Variants in CA8 observed in about 807,000 individuals in gnomAD.
CA8 encodes the protein carbonic anhydrase 8 (inactive).
CA8 carries 22 observed loss-of-function variants against 41.4 expected under a neutral mutation model. That is an observed-to-expected ratio of 0.53 (90% CI 0.38 to 0.76). The LOEUF is 0.76. Ranked by LOEUF, CA8 falls within the 30% of genes least tolerant of loss-of-function variation. The pLI, the probability that CA8 is intolerant of heterozygous loss-of-function variation, is 0.00. For missense variants in CA8, 270 were observed against 352.8 expected, an observed-to-expected ratio of 0.77 and a Z score of 1.88; for synonymous variants, 121 against 130.6, an observed-to-expected ratio of 0.93 and a Z score of 0.50.
intron 8 of CA8, among the ~76,000 whole-genome samples, chr8:60,204,653 G>A (rs1387312517): frequency 6.6e-6 from 1 of 152,124 alleles, no homozygotes; most frequent in Non-Finnish European, 1.5e-5. Flanking sequence ...ATCATTTTGA[G>A]ATCTGGTAGG....
chr8:60,243,344 TC>T (rs1808108131), intron 3 of CA8, among the ~76,000 whole-genome samples: 1 of 151,646 alleles, frequency 6.6e-6, no homozygotes, highest in Non-Finnish European at 1.5e-5. Context: ...GGGTCTTTCA[TC>T]CACCAGCTCT....
At chr8:60,232,775 G>T in intron 3 of CA8, 1 of 215,414 alleles carries the variant, frequency 4.6e-6, no homozygotes, top group Non-Finnish European at 9.6e-6. Flanking sequence ...ATCAAATACT[G>T]CATCACCCAG....
intron 3 of CA8, among the ~76,000 whole-genome samples, chr8:60,250,797 T>C (rs1808414640): frequency 6.6e-6 from 1 of 152,222 alleles, no homozygotes; most frequent in African/African-American, 2.4e-5. Flanking sequence ...CTGTGTAATG[T>C]TGAACAGTGA....
chr8:60,210,237 T>C (rs569058846), intron 7 of CA8, among the ~76,000 whole-genome samples: 1 of 152,338 alleles, frequency 6.6e-6, no homozygotes, highest in Admixed American at 6.5e-5. Context: ...CCCCAGGGTA[T>C]TGAGCAAACG....
intron 5 of CA8, 74 bp from the exon 6 acceptor site, chr8:60,224,659 C>A: frequency 1.0e-6 from 1 of 962,492 alleles, no homozygotes. Flanking sequence ...TCTATTAGAA[C>A]TAAAAAATTA....
chr8:60,221,513 T>A (rs575726385), intron 7 of CA8, among the ~76,000 whole-genome samples: 1 of 152,318 alleles, frequency 6.6e-6, no homozygotes, highest in Non-Finnish European at 1.5e-5. Context: ...CCCTGTTCAG[T>A]GTGATGACAA....
chr8:60,245,443 A>C (rs1028323482), intron 3 of CA8, among the ~76,000 whole-genome samples: 3 of 152,190 alleles, frequency 2.0e-5, no homozygotes, highest in Admixed American at 2.0e-4. Flanking sequence ...AATCATAACA[A>C]ACTAATCCAA....
chr8:60,200,334 C>G (rs1806387686), intron 8 of CA8, among the ~76,000 whole-genome samples: 1 of 152,188 alleles, frequency 6.6e-6, no homozygotes. Flanking sequence ...CCTTTCCCTT[C>G]TTCGGGAGAT....
At chr8:60,191,150 T>C (rs999602001) in intron 8 of CA8, among the ~76,000 whole-genome samples, 2 of 151,896 alleles carry the variant, frequency 1.3e-5, no homozygotes, top group Non-Finnish European at 2.9e-5. Context: ...TAAAATCTTT[T>C]TAAATTTTTT....
chr8:60,280,358 T>C (rs535753843), intron 1 of CA8, among the ~76,000 whole-genome samples: 1 of 152,336 alleles, frequency 6.6e-6, no homozygotes, highest in Admixed American at 6.5e-5. Context: ...TGTATATATC[T>C]GTGTACATAC....
At chr8:60,270,181 A>G (rs1024036389) in intron 2 of CA8, among the ~76,000 whole-genome samples, 37 of 152,208 alleles carry the variant, frequency 2.4e-4, no homozygotes, top group Non-Finnish European at 5.3e-4. Flanking sequence ...TCATATCTGC[A>G]ATTTAAAGTA....
chr8:60,202,210 A>ATT (rs377462858), intron 8 of CA8, among the ~76,000 whole-genome samples: 7,349 of 139,578 alleles, frequency 0.053, 222 homozygotes, highest in South Asian at 0.1. Flanking sequence ...TTCCCAGCTA[A>ATT]TTTTTTTTTT....
rs529340779 is a variant in CA8 at position 60,186,625 on chromosome 8, G to GATT, written c.*3393_*3395dup. ...AAAAGGCAGAGAGACTGTCAGACTGGATTTCAAAAAAAAACAAGATCCAAC... is the reference window on the plus strand; with the variant it reads ...AAAAGGCAGAGAGACTGTCAGACTGGATTATTTCAAAAAAAAACAAGATCCAAC... On this transcript the variant is annotated 3_prime_UTR_variant, in exon 9 of 9. Transcript: ENST00000317995. Among the ~76,000 whole-genome samples, 5 of 151,176 alleles carry GATT rather than the reference G, an allele frequency of 3.3e-5. No individual in the cohort carries two copies. The South Asian group carries it at 1.0e-3, about 31-fold the overall frequency.
intron 8 of CA8, among the ~76,000 whole-genome samples, chr8:60,203,674 A>T (rs1008635661): frequency 5.9e-5 from 9 of 152,152 alleles, no homozygotes; most frequent in African/African-American, 1.9e-4. Context: ...TGCTTTTTTA[A>T]AAAAGTATCT....
chr8:60,277,666 T>C (rs188183836), intron 2 of CA8, among the ~76,000 whole-genome samples: 8 of 152,330 alleles, frequency 5.3e-5, no homozygotes, highest in Admixed American at 4.6e-4. Flanking sequence ...ATTCAACTAT[T>C]TTGTATATAT....
At chr8:60,229,279 C>G (rs978844347) in intron 4 of CA8, among the ~76,000 whole-genome samples, 1 of 152,262 alleles carries the variant, frequency 6.6e-6, no homozygotes, top group Admixed American at 6.5e-5. Flanking sequence ...CTACCTGAAC[C>G]CTTCGAGTCT....
chr8:60,198,607 T>C (rs949424409), intron 8 of CA8, among the ~76,000 whole-genome samples: 5 of 152,262 alleles, frequency 3.3e-5, no homozygotes, highest in African/African-American at 7.2e-5. Flanking sequence ...GTAAGGGTGA[T>C]TGACTATCTA....
intron 3 of CA8, among the ~76,000 whole-genome samples, chr8:60,259,001 G>T (rs752637211): frequency 1.1e-4 from 16 of 152,096 alleles, no homozygotes; most frequent in Non-Finnish European, 2.2e-4. Context: ...ATCACAAATT[G>T]CATTCGAACT....
At chr8:60,247,850 AACTAATTTAC>A (rs1477934409) in intron 3 of CA8, among the ~76,000 whole-genome samples, 1 of 152,218 alleles carries the variant, frequency 6.6e-6, no homozygotes, top group Non-Finnish European at 1.5e-5. Context: ...ACAATGGTTG[AACTAATTTAC>A]ATTCACAACA....
Sources: gnomAD v4.1 joint callset for allele counts (sites outside exome capture counted in the v4.1 genomes callset) on GRCh38, gnomAD v4.1.1 for gene constraint, MANE v1.5 for transcripts, NCBI Gene and HGNC (gene_info 2026-07-23, HGNC 2026-07-21) for gene names.